The following ADAMTSL1 variants were observed in gnomAD, a reference collection of about 807,000 sequenced individuals.
The protein encoded by ADAMTSL1 is ADAMTS-like protein 1.
A neutral mutation model predicts 201.8 loss-of-function variants in ADAMTSL1; 126 were observed. That is an observed-to-expected ratio of 0.62 (90% CI 0.54 to 0.72). The LOEUF (loss-of-function observed/expected upper bound fraction) is 0.72, where lower values mean the gene tolerates loss of function less well. ADAMTSL1 is among the 30% of genes least tolerant of loss of function. The pLI is 0.00. For synonymous variants in ADAMTSL1, 1,121 were observed against 903.4 expected (o/e 1.24, Z -4.32); for missense variants, 2,679 against 2,277.8 (o/e 1.18, Z -3.59).
chr9:18,498,584 C>T (rs1308628257), intron 1 of ADAMTSL1, among the ~76,000 whole-genome samples: 4 of 152,086 alleles, frequency 2.6e-5, no homozygotes, highest in East Asian at 3.9e-4. Flanking sequence ...CTGATCCGCC[C>T]GCCTCGGCCT....
chr9:18,380,447 A>G (rs1362448816), intron 2 of ADAMTSL1, among the ~76,000 whole-genome samples: 1 of 152,236 alleles, frequency 6.6e-6, no homozygotes, highest in South Asian at 2.1e-4. Flanking sequence ...GGTATATTTT[A>G]CATAGATACT....
intron 2 of ADAMTSL1, among the ~76,000 whole-genome samples, chr9:18,427,357 T>A (rs1333547683): frequency 1.3e-5 from 2 of 152,208 alleles, no homozygotes; most frequent in Non-Finnish European, 2.9e-5. Flanking sequence ...AATTCCTGTA[T>A]TTTTGAATGA....
At chr9:18,426,006 C>T (rs1819202874) in intron 2 of ADAMTSL1, among the ~76,000 whole-genome samples, 1 of 152,120 alleles carries the variant, frequency 6.6e-6, no homozygotes, top group East Asian at 1.9e-4. Flanking sequence ...ACCCGTTTAG[C>T]ATCAGATGTG....
chr9:18,495,030 G>T (rs984961465), intron 1 of ADAMTSL1, among the ~76,000 whole-genome samples: 3 of 152,202 alleles, frequency 2.0e-5, no homozygotes, highest in African/African-American at 7.2e-5. Flanking sequence ...ATGAATGGTA[G>T]TACCAGAATT....
chr9:18,562,274 C>A (rs911472305), intron 3 of ADAMTSL1, among the ~76,000 whole-genome samples: 3 of 152,154 alleles, frequency 2.0e-5, no homozygotes, highest in African/African-American at 7.2e-5. Flanking sequence ...TTCTCCTTCA[C>A]TTATGAAGCT....
intron 1 of ADAMTSL1, among the ~76,000 whole-genome samples, chr9:18,114,051 T>A (rs1041415580): frequency 2.0e-5 from 3 of 151,596 alleles, no homozygotes; most frequent in Non-Finnish European, 4.4e-5. Flanking sequence ...ACAAGAAGGA[T>A]CAAAAGAGGT....
At chr9:18,521,719 C>T (rs1225832339) in intron 2 of ADAMTSL1, among the ~76,000 whole-genome samples, 1 of 151,938 alleles carries the variant, frequency 6.6e-6, no homozygotes, top group Non-Finnish European at 1.5e-5. Flanking sequence ...AAACAAGTTT[C>T]ATTGTAATTT....
intron 2 of ADAMTSL1, among the ~76,000 whole-genome samples, chr9:18,326,706 G>C (rs1033315300): frequency 2.6e-5 from 4 of 152,076 alleles, no homozygotes; most frequent in Admixed American, 2.0e-4. Context: ...CTTCCCCCTT[G>C]GTAAATGAAT....
At chr9:18,764,801 T>C (rs928209237) in intron 16 of ADAMTSL1, among the ~76,000 whole-genome samples, 2 of 152,250 alleles carry the variant, frequency 1.3e-5, no homozygotes, top group Non-Finnish European at 2.9e-5. Flanking sequence ...AAAAGCTTTA[T>C]GTATACATCA....
At chr9:18,245,146 C>G (rs1431913079) in intron 2 of ADAMTSL1, among the ~76,000 whole-genome samples, 1 of 152,016 alleles carries the variant, frequency 6.6e-6, no homozygotes, top group Non-Finnish European at 1.5e-5. Flanking sequence ...GGGATGCAAA[C>G]AAAGATGAAA....
intron 1 of ADAMTSL1, among the ~76,000 whole-genome samples, chr9:18,140,805 C>T (rs1417725205): frequency 6.6e-6 from 1 of 152,090 alleles, no homozygotes; most frequent in Non-Finnish European, 1.5e-5. Flanking sequence ...GTTTTCTGCA[C>T]ACCATCAAAA....
chr9:18,072,439 T>A (rs889586910), intron 1 of ADAMTSL1, among the ~76,000 whole-genome samples: 11 of 152,176 alleles, frequency 7.2e-5, no homozygotes, highest in African/African-American at 2.7e-4. Flanking sequence ...TGAACTTATA[T>A]TTGAGAAGCT....
rs114185025 is a variant in ADAMTSL1 at position 17,980,506 on chromosome 9, C to T, written c.87+73584C>T. Among the ~76,000 whole-genome samples the T allele has an allele frequency of 4.7e-3, 713 of 152,066 alleles. 12 individuals carry two copies. The highest frequency in any genetic ancestry group is 0.016 in the African/African-American group (675 of 41,470). On this transcript the variant is annotated intron_variant, in intron 1 of 29. Coordinates refer to the ADAMTSL1 transcript ENST00000680146. ...TATTTCTAGCACTTCTACTTGACTT[C>T]TTTTCAAATCTTCTGTGTCATCTGT...
chr9:18,773,822 A>C (rs2133736018), intron 17 of ADAMTSL1, among the ~76,000 whole-genome samples: 1 of 152,256 alleles, frequency 6.6e-6, no homozygotes, highest in Middle Eastern at 3.4e-3. Flanking sequence ...GCTCTTTTAA[A>C]TTTTCAGGCT....
intron 7 of ADAMTSL1, among the ~76,000 whole-genome samples, chr9:18,642,855 A>G (rs1827537885): frequency 6.6e-6 from 1 of 151,968 alleles, no homozygotes; most frequent in Non-Finnish European, 1.5e-5. Flanking sequence ...TTGATTTCAC[A>G]TCTTGGCTGT....
Position 18,297,266 on chromosome 9 carries a change from C to T in ADAMTSL1, c.207+133285C>T, listed in dbSNP as rs188958780. 1.1e-4 allele frequency among the ~76,000 whole-genome samples: 17 copies of T among 152,078 alleles called. No homozygotes were observed. In the East Asian group the frequency reaches 2.5e-3, roughly 23 times the overall value. On this transcript the variant is annotated intron_variant, in intron 2 of 29. Coordinates refer to the ADAMTSL1 transcript ENST00000680146. ...AAAGTGTATAGATAGTGACTTTTGG[C>T]GTTTTTGTTAGGAGGAACTGGTTTC...
At chr9:17,979,436 G>A (rs1818593764) in intron 1 of ADAMTSL1, among the ~76,000 whole-genome samples, 1 of 151,608 alleles carries the variant, frequency 6.6e-6, no homozygotes, top group Admixed American at 6.6e-5. Context: ...ATTCTCTCTT[G>A]ATCAAGAAAG....
At chr9:18,412,160 A>C (rs958207431) in intron 2 of ADAMTSL1, among the ~76,000 whole-genome samples, 3 of 152,190 alleles carry the variant, frequency 2.0e-5, no homozygotes, top group Non-Finnish European at 4.4e-5. Context: ...TTTTCCTGTT[A>C]ACCAAAATTC....
chr9:18,064,574 G>C (rs898848737), intron 1 of ADAMTSL1, among the ~76,000 whole-genome samples: 1 of 152,246 alleles, frequency 6.6e-6, no homozygotes. Flanking sequence ...AGGTGTTTGA[G>C]AGCAGAACTT....
Sources: gnomAD v4.1 joint callset for allele counts (sites outside exome capture counted in the v4.1 genomes callset) on GRCh38, gnomAD v4.1.1 for gene constraint, MANE v1.5 for transcripts, NCBI Gene and HGNC (gene_info 2026-07-23, HGNC 2026-07-21) for gene names.